DCLK2: variants seen among roughly 807,000 people sequenced by gnomAD.
DCLK2 encodes the protein doublecortin like kinase 2, also known as serine/threonine-protein kinase DCLK2.
Under a neutral mutation model 78.4 loss-of-function variants are expected in DCLK2, and 31 were observed. The ratio of observed to expected loss-of-function variants is 0.40; its 90% CI spans 0.30 to 0.53. DCLK2 has a LOEUF of 0.53. DCLK2 is among the 20% of genes least tolerant of loss of function. The pLI is 0.61. For missense variants in DCLK2, 872 were observed against 973.7 expected, an observed-to-expected ratio of 0.90 and a Z score of 1.39; for synonymous variants, 407 against 374.9, an observed-to-expected ratio of 1.09 and a Z score of -0.99.
At chr4:150,134,756 G>A (rs1249492337) in intron 2 of DCLK2, among the ~76,000 whole-genome samples, 2 of 152,090 alleles carry the variant, frequency 1.3e-5, no homozygotes, top group Non-Finnish European at 2.9e-5. Flanking sequence ...CTGCAGCCTG[G>A]TGTGCTATTT....
chr4:150,191,939 T>C (rs1213657065), intron 2 of DCLK2, among the ~76,000 whole-genome samples: 1 of 152,222 alleles, frequency 6.6e-6, no homozygotes, highest in Non-Finnish European at 1.5e-5. Flanking sequence ...TGTCAGCCTG[T>C]TCAAGTACTA....
At chr4:150,137,578 A>C (rs1197864988) in intron 2 of DCLK2, among the ~76,000 whole-genome samples, 1 of 152,194 alleles carries the variant, frequency 6.6e-6, no homozygotes, top group Non-Finnish European at 1.5e-5. Context: ...ACTACAAAGG[A>C]AAATAAATGT....
chr4:150,122,190 A>G (rs1732598723), intron 2 of DCLK2, among the ~76,000 whole-genome samples: 1 of 152,186 alleles, frequency 6.6e-6, no homozygotes, highest in Non-Finnish European at 1.5e-5. Flanking sequence ...TTTATCAACT[A>G]AGTTTATGGA....
At chr4:150,253,070 G>A in intron 15 of DCLK2, among the ~76,000 whole-genome samples, 1 of 149,924 alleles carries the variant, frequency 6.7e-6, no homozygotes, top group Non-Finnish European at 1.5e-5. Flanking sequence ...CTGCTGTATT[G>A]TCCTCCTCGT....
At chr4:150,102,232 CATTTGGTCAACAT>C (rs747678928) in intron 1 of DCLK2, among the ~76,000 whole-genome samples, 1 of 152,158 alleles carries the variant, frequency 6.6e-6, no homozygotes, top group African/African-American at 2.4e-5. Context: ...CAAGGTGGCA[CATTTGGTCAACAT>C]ATTTGGTCCA....
At chr4:150,119,677 A>G (rs13435543) in intron 2 of DCLK2, among the ~76,000 whole-genome samples, 25,657 of 152,156 alleles carry the variant, frequency 0.17, 2,468 homozygotes, top group Non-Finnish European at 0.23. Context: ...AGAAAAAGCT[A>G]GTTGACTAGC....
At chr4:150,137,999 G>T (rs968122712) in intron 2 of DCLK2, among the ~76,000 whole-genome samples, 2 of 152,150 alleles carry the variant, frequency 1.3e-5, no homozygotes, top group Non-Finnish European at 2.9e-5. Context: ...TTAAAATAGA[G>T]AAATTAGGTA....
chr4:150,166,127 G>C (rs193148326), intron 2 of DCLK2, among the ~76,000 whole-genome samples: 1 of 152,188 alleles, frequency 6.6e-6, no homozygotes, highest in East Asian at 1.9e-4. Flanking sequence ...GACACCAGGT[G>C]TCCGAGTTTG....
intron 1 of DCLK2, among the ~76,000 whole-genome samples, chr4:150,100,087 A>G (rs1424825014): frequency 6.6e-6 from 1 of 151,870 alleles, no homozygotes; most frequent in East Asian, 1.9e-4. Context: ...TAATTTTTGT[A>G]TTTTTAGTAG....
intron 2 of DCLK2, among the ~76,000 whole-genome samples, chr4:150,109,884 A>G (rs748003536): frequency 1.3e-5 from 2 of 152,220 alleles, no homozygotes; most frequent in Admixed American, 1.3e-4. Context: ...ACCTTAAATT[A>G]AAACAAAAGG....
chr4:150,230,588 T>C (rs1741967250), intron 8 of DCLK2, among the ~76,000 whole-genome samples: 2 of 152,260 alleles, frequency 1.3e-5, no homozygotes, highest in Non-Finnish European at 2.9e-5. Flanking sequence ...TGCTTGCTTA[T>C]ACATGTTCAC....
chr4:150,152,279 A>G (rs987338103), intron 2 of DCLK2, among the ~76,000 whole-genome samples: 3 of 152,132 alleles, frequency 2.0e-5, no homozygotes, highest in Non-Finnish European at 4.4e-5. Context: ...TAACTGATTG[A>G]TTGATTGATT....
At position 150,102,643 on chromosome 4, in the gene DCLK2, C is replaced by T; in HGVS notation, c.587C>T (p.Pro196Leu). The T allele has an allele frequency of 6.2e-7, 1 of 1,614,120 alleles. No homozygotes were observed. Among genetic ancestry groups the T allele is most frequent in the Non-Finnish European group, 8.5e-7 (1 of 1,180,018 alleles). ...AAAGAAAGTAAAGATTTCATCAAACCCAAGTTAGTGACTGTGATTCGAAGT... is the reference window on the plus strand; with the variant it reads ...AAAGAAAGTAAAGATTTCATCAAACTCAAGTTAGTGACTGTGATTCGAAGT... ...EVKESKDFIK[P>L]KLVTVIRSGV... Residue 196 changes from proline (P) to leucine (L), a missense_variant, in exon 2 of 16, where the codon CCC becomes CTC. Pro to Leu is a moderately conservative substitution (Grantham distance 98, BLOSUM62 -3). Transcript: ENST00000296550.
At chr4:150,167,799 C>T (rs1260945815) in intron 2 of DCLK2, among the ~76,000 whole-genome samples, 2 of 152,112 alleles carry the variant, frequency 1.3e-5, no homozygotes, top group Non-Finnish European at 2.9e-5. Context: ...GGAAGCTGGG[C>T]GAGTGGGCTC....
At chr4:150,214,443 T>C (rs1740526522) in intron 5 of DCLK2, among the ~76,000 whole-genome samples, 1 of 152,202 alleles carries the variant, frequency 6.6e-6, no homozygotes, top group Middle Eastern at 3.2e-3. Context: ...AAGAATTATC[T>C]TGGAGGAAAA....
chr4:150,206,636 CCTAA>C (rs1292382382), intron 5 of DCLK2, among the ~76,000 whole-genome samples: 2 of 152,116 alleles, frequency 1.3e-5, no homozygotes, highest in African/African-American at 4.8e-5. Context: ...TGCCGAAAAA[CCTAA>C]CTAAAAGGCT....
At chr4:150,139,306 A>G (rs1172641925) in intron 2 of DCLK2, among the ~76,000 whole-genome samples, 2 of 152,242 alleles carry the variant, frequency 1.3e-5, no homozygotes, top group African/African-American at 2.4e-5. Context: ...CAAGAAGCCA[A>G]CAAGCAGTTG....
rs200222469 is a variant in DCLK2 at position 150,079,125 on chromosome 4, G to A, written c.98G>A (p.Gly33Asp). ...AGAGGGGCCCCCAGCTCCTCCGGGG[G>A]CAGCAGCAGCTCGGGCCCCAAGGGG... ...SRRGAPSSSG[G>D]SSSSGPKGNG... The change falls in exon 1 of 16, where the codon GGC becomes GAC. Residue 33 changes from glycine to aspartate, a missense_variant. Coordinates refer to ENST00000296550, the MANE Select transcript of DCLK2 (RefSeq NM_001040260.4). The A allele has an allele frequency of 2.0e-5, 31 of 1,582,522 alleles. No individual in the cohort carries two copies. The African/African-American group carries it at 3.2e-4, about 17-fold the overall frequency.
chr4:150,109,185 T>C (rs9307868), intron 2 of DCLK2, among the ~76,000 whole-genome samples: 132,701 of 152,254 alleles, frequency 0.87, 58,477 homozygotes, highest in Non-Finnish European at 0.94. Context: ...GCAATCTCTT[T>C]TCAAAAATTG....
Sources: allele counts gnomAD v4.1 joint callset (sites outside exome capture counted in the v4.1 genomes callset), GRCh38; gene constraint gnomAD v4.1.1; transcripts MANE v1.5; gene names NCBI Gene and HGNC (gene_info 2026-07-23, HGNC 2026-07-21).